The following BLOC1S3 variants were observed in gnomAD, a reference collection of about 807,000 sequenced individuals.
BLOC1S3 encodes the protein biogenesis of lysosomal organelles complex 1 subunit 3.
In BLOC1S3, 7 loss-of-function variants were observed where a neutral mutation model predicts 9.1. That is an observed-to-expected ratio of 0.77 (90% confidence interval 0.44 to 1.45). The LOEUF (loss-of-function observed/expected upper bound fraction) is 1.45, where lower values mean the gene tolerates loss of function less well. Ranked by LOEUF, BLOC1S3 falls within the 40% of genes most tolerant of loss-of-function variation. The pLI is 0.01. For synonymous variants in BLOC1S3, 145 were observed against 158.4 expected, an observed-to-expected ratio of 0.92 and a Z score of 0.64; for missense variants, 307 against 315.2, an observed-to-expected ratio of 0.97 and a Z score of 0.20.
At chr19:45,207,977 CTT>C (rs538909673) in intron 3 of BLOC1S3, among the ~76,000 whole-genome samples, 21 of 141,490 alleles carry the variant, frequency 1.5e-4, no homozygotes, top group Admixed American at 1.4e-4. Context: ...CCACCATGTA[CTT>C]TTTTTTTTTT....
intron 3 of BLOC1S3, among the ~76,000 whole-genome samples, chr19:45,206,583 G>A (rs1429798414): frequency 1.3e-5 from 2 of 148,364 alleles, no homozygotes; most frequent in Non-Finnish European, 3.0e-5. Context: ...AGCCTCTCCA[G>A]TAGCTGAGAC....
In BLOC1S3 at chr19:45,179,465, G is replaced by T. The variant is rs1969474962; in HGVS notation, c.169G>T (p.Ala57Ser). The part of the protein sequence containing the change: ...TRGRPTGLRV[A>S]GEAAETDSEP... ...CGGCCGCCCCACGGGGCTGCGGGTGGCTGGGGAAGCCGCGGAGACCGACTC... is the reference window on the plus strand; with the variant it reads ...CGGCCGCCCCACGGGGCTGCGGGTGTCTGGGGAAGCCGCGGAGACCGACTC... Residue 57 changes from alanine to serine, a missense_variant, in exon 2 of 2, where the codon GCT (alanine) becomes TCT (serine). Transcript: ENST00000433642. The surrounding 1 kb of genome is among the most constrained non-coding windows in gnomAD (Gnocchi z 4.6). 1 of 1,524,460 alleles carries T rather than the reference G, an allele frequency of 6.6e-7. No homozygotes were observed. Among genetic ancestry groups the T allele is most frequent in the Admixed American group, 2.0e-5 (1 of 50,406 alleles). The allele number at this position is 1,524,460 out of a possible 1,614,324, so 94.4% of individuals were successfully genotyped here.
At chr19:45,187,891 G>C (rs929554459) in intron 2 of BLOC1S3, among the ~76,000 whole-genome samples, 2 of 151,884 alleles carry the variant, frequency 1.3e-5, no homozygotes, top group Non-Finnish European at 2.9e-5. Context: ...AATTTTTTGT[G>C]GGTACATAGT....
chr19:45,215,016 C>T (rs1329500383), intron 3 of BLOC1S3, among the ~76,000 whole-genome samples: 3 of 151,732 alleles, frequency 2.0e-5, no homozygotes, highest in African/African-American at 7.3e-5. Context: ...ATTAGCCGGG[C>T]GTGGTGGCAC....
chr19:45,182,458 A>G (rs543859990), downstream of BLOC1S3, among the ~76,000 whole-genome samples: 1 of 152,194 alleles, frequency 6.6e-6, no homozygotes, highest in African/African-American at 2.4e-5. Flanking sequence ...ACCTGAGGTC[A>G]GGAGTTCTAG....
At chr19:45,209,045 G>GC (rs1397796713) in intron 3 of BLOC1S3, among the ~76,000 whole-genome samples, 1 of 148,298 alleles carries the variant, frequency 6.7e-6, no homozygotes, top group Non-Finnish European at 1.5e-5. Flanking sequence ...CTACAGTTTT[G>GC]TTTTTTTTTT....
intron 3 of BLOC1S3, chr19:45,213,276 C>T (rs1470774106): frequency 6.2e-7 from 1 of 1,613,732 alleles, no homozygotes; most frequent in Admixed American, 1.7e-5. Flanking sequence ...GTTCCAGGTC[C>T]CGGGCCACGG....
At chr19:45,182,125 A>G (rs1406702940), downstream of BLOC1S3, among the ~76,000 whole-genome samples, 1 of 152,204 alleles carries the variant, frequency 6.6e-6, no homozygotes, top group Non-Finnish European at 1.5e-5. Flanking sequence ...TTATAGTTTA[A>G]TTTTTAAAAA....
Position 45,179,993 on chromosome 19 carries a change from A to C in BLOC1S3, c.*88A>C. 3 of 1,439,596 alleles carry C rather than the reference A, an allele frequency of 2.1e-6. No individual in the cohort carries two copies. The highest frequency in any genetic ancestry group is 5.2e-5 in the East Asian group (2 of 38,704). The allele number at this position is 1,439,596 out of a possible 1,614,324, so 89.2% of individuals were successfully genotyped here. A position where few individuals can be genotyped will look rare whatever the true frequency, so the allele number is the denominator to read the frequency against. On this transcript the variant is annotated 3_prime_UTR_variant, in exon 2 of 2. Coordinates refer to ENST00000433642, the MANE Select transcript of BLOC1S3 (RefSeq NM_212550.5). The surrounding 1 kb of genome is among the most constrained non-coding windows in gnomAD (Gnocchi z 4.6). ...GACTCTGTCTCCTGTGTCTCTTATC[A>C]CCCCCCACCCCCGCTCCCATCTTGG...
rs752670161 is a variant in BLOC1S3 at position 45,179,791 on chromosome 19, G to C, written c.495G>C (p.Gly165=). 6.3e-7 allele frequency: 1 copy of C among 1,584,368 alleles called. No individual in the cohort carries two copies. The highest frequency in any genetic ancestry group is 8.5e-7 in the Non-Finnish European group (1 of 1,169,616). ...CCCACAGCGTGCGCCTGGCGCGCGG[G>C]GACCTTTGTGCGCTGGCCGAGCGTC... ...AAAHSVRLAR[G]DLCALAERLD... Residue 165 remains glycine, a synonymous_variant, in exon 2 of 2, where the codon GGG becomes GGC. Coordinates refer to ENST00000433642, the MANE Select transcript of BLOC1S3 (RefSeq NM_212550.5). This position sits in a 1 kb window ranked among gnomAD's most constrained non-coding sequence, Gnocchi z 4.6.
downstream of BLOC1S3, among the ~76,000 whole-genome samples, chr19:45,186,503 G>A (rs901353022): frequency 2.6e-5 from 4 of 152,022 alleles, no homozygotes; most frequent in African/African-American, 4.8e-5. Context: ...TCAGTAGTTC[G>A]AAACCAGCCT....
chr19:45,179,413 G>C lies in BLOC1S3; in HGVS notation c.117G>C (p.Leu39=). The C allele has an allele frequency of 6.4e-6, 10 of 1,558,976 alleles. No homozygotes were observed. Among genetic ancestry groups the C allele is most frequent in the Non-Finnish European group, 7.8e-6 (9 of 1,160,164 alleles). ...RSASSSEEEE[L]YLGPSGPTRG... ...CGTCCTCGTCGGAGGAGGAGGAGCTGTACCTGGGTCCTTCGGGCCCGACGC... is the reference window on the plus strand; with the variant it reads ...CGTCCTCGTCGGAGGAGGAGGAGCTCTACCTGGGTCCTTCGGGCCCGACGC... The change falls in exon 2 of 2, where the codon CTG becomes CTC. Residue 39 remains leucine, a synonymous_variant. Transcript: ENST00000433642. The surrounding 1 kb of genome is among the most constrained non-coding windows in gnomAD (Gnocchi z 4.6).
downstream of BLOC1S3, among the ~76,000 whole-genome samples, chr19:45,186,694 G>A (rs1969568101): frequency 6.6e-6 from 1 of 152,192 alleles, no homozygotes; most frequent in Non-Finnish European, 1.5e-5. Flanking sequence ...GATAGAGTGA[G>A]ACTCCGTCTC....
chr19:45,179,327 C>A lies in BLOC1S3; in HGVS notation c.31C>A (p.Leu11Met), dbSNP rs1420801659. The change falls in exon 2 of 2, where the codon CTG becomes ATG. Residue 11 changes from leucine to methionine, a missense_variant. Physicochemically the swap from Leu to Met is conservative, Grantham distance 15 (BLOSUM62 2). Transcript: ENST00000433642. The surrounding 1 kb of genome is among the most constrained non-coding windows in gnomAD (Gnocchi z 4.6). The stretch of plus-strand genomic sequence containing the variant: ...GTCCCAGGGTCGTCGGCGGAGGCCC[C>A]TGCGGAGGCCGGAGACGGTGGTGCC... MASQGRRRRP[L>M]RRPETVVPGE... 2 of 1,586,218 alleles carry A rather than the reference C, an allele frequency of 1.3e-6. No individual in the cohort carries two copies. The highest frequency in any genetic ancestry group is 1.7e-6 in the Non-Finnish European group (2 of 1,174,784).
intron 3 of BLOC1S3, among the ~76,000 whole-genome samples, chr19:45,206,463 T>G (rs1446692077): frequency 8.5e-6 from 1 of 117,114 alleles, no homozygotes; most frequent in African/African-American, 3.5e-5. Context: ...TTTTTTTTTT[T>G]TTTTTTTTTT....
intron 3 of BLOC1S3, chr19:45,212,948 T>C: frequency 1.7e-6 from 2 of 1,184,134 alleles, no homozygotes; most frequent in South Asian, 1.9e-5. Flanking sequence ...AAAAGACATC[T>C]AAGGGTCTTT....
chr19:45,206,751 A>G (rs1439066679), intron 3 of BLOC1S3, among the ~76,000 whole-genome samples: 2 of 151,394 alleles, frequency 1.3e-5, no homozygotes, highest in African/African-American at 4.9e-5. Flanking sequence ...ATGAGCCACT[A>G]TGACTGGCTG....
intron 3 of BLOC1S3, among the ~76,000 whole-genome samples, chr19:45,210,757 C>T (rs1438884993): frequency 6.6e-6 from 1 of 152,160 alleles, no homozygotes. Context: ...CTGTGCCCAG[C>T]CAAAAGCTGT....
intron 3 of BLOC1S3, among the ~76,000 whole-genome samples, chr19:45,206,785 G>T (rs1046584665): frequency 6.6e-6 from 1 of 151,538 alleles, no homozygotes; most frequent in Non-Finnish European, 1.5e-5. Context: ...ATTTTTTTAT[G>T]ATTCCATTTT....
Sources: allele counts gnomAD v4.1 joint callset (sites outside exome capture counted in the v4.1 genomes callset), GRCh38; gene constraint gnomAD v4.1.1; non-coding constraint Gnocchi (gnomAD v3.1); transcripts MANE v1.5; gene names NCBI Gene and HGNC (gene_info 2026-07-23, HGNC 2026-07-21).